GPHN: variants seen among roughly 807,000 people sequenced by gnomAD.
The protein encoded by GPHN is gephyrin.
A neutral mutation model predicts 95.5 loss-of-function variants in GPHN; 17 were observed. That is an observed-to-expected ratio of 0.18 (90% CI 0.12 to 0.27). GPHN has a LOEUF of 0.27. GPHN is among the 10% of genes least tolerant of loss of function. The probability of loss-of-function intolerance (pLI) is 1.00; values close to 1 mark genes in which losing one functional copy is unlikely to be tolerated. For missense variants in GPHN, 660 were observed against 978.1 expected (o/e 0.67, Z 4.34); for synonymous variants, 320 against 322.5 (o/e 0.99, Z 0.08).
the GPHN span, chr14:67,573,793 C>T: frequency 6.3e-7 from 1 of 1,599,252 alleles, no homozygotes; most frequent in East Asian, 2.2e-5. This position sits in a 1 kb window ranked among gnomAD's most constrained non-coding sequence, Gnocchi z 4.8. Context: ...CCAATACTTT[C>T]TTTACAGAGT....
At chr14:67,725,392 C>G in the GPHN span, 4 of 898,920 alleles carry the variant, frequency 4.4e-6, no homozygotes, top group Non-Finnish European at 7.2e-6. Context: ...ACCAGCAGGA[C>G]AGGGAATTGG....
chr14:67,483,898 G>T, the GPHN span, among the ~76,000 whole-genome samples: 7,197 of 152,300 alleles, frequency 0.047, 212 homozygotes, highest in East Asian at 0.097. Flanking sequence ...CAAGCAAACC[G>T]CAGCAGGAGG....
At chr14:67,630,887 T>C in the GPHN span, among the ~76,000 whole-genome samples, 3 of 152,298 alleles carry the variant, frequency 2.0e-5, no homozygotes, top group African/African-American at 7.2e-5. Flanking sequence ...CCCGCCCATG[T>C]AGCATGTAGA....
the GPHN span, chr14:67,600,213 A>C: frequency 6.4e-7 from 1 of 1,561,066 alleles, no homozygotes. Flanking sequence ...TGACGCCCCC[A>C]CTCGGCCGCC....
chr14:67,067,165 A>G (rs1311987587), intron 11 of GPHN, among the ~76,000 whole-genome samples: 2 of 152,060 alleles, frequency 1.3e-5, no homozygotes, highest in Admixed American at 6.6e-5. Context: ...TCTGTTTGTT[A>G]GTTTTCCTTC....
At chr14:67,632,350 T>C in the GPHN span, among the ~76,000 whole-genome samples, 2 of 152,234 alleles carry the variant, frequency 1.3e-5, no homozygotes, top group Non-Finnish European at 2.9e-5. Context: ...GCCAGCATCA[T>C]CACCAATACG....
intron 2 of GPHN, among the ~76,000 whole-genome samples, chr14:66,741,931 G>C (rs914017731): frequency 6.6e-6 from 1 of 152,108 alleles, no homozygotes; most frequent in African/African-American, 2.4e-5. Flanking sequence ...CCACCTTACT[G>C]TCCTTTCTCC....
At chr14:67,121,376 G>A (rs189120080) in intron 16 of GPHN, among the ~76,000 whole-genome samples, 57 of 152,122 alleles carry the variant, frequency 3.7e-4, no homozygotes, top group African/African-American at 4.6e-4. Flanking sequence ...ATCCTTTGAC[G>A]TCATATGTCA....
At chr14:67,710,779 C>T in the GPHN span, among the ~76,000 whole-genome samples, 1 of 151,468 alleles carries the variant, frequency 6.6e-6, no homozygotes, top group African/African-American at 2.4e-5. Context: ...TTAGAAAATA[C>T]CCAAATAATG....
the GPHN span, among the ~76,000 whole-genome samples, chr14:67,626,604 G>A: frequency 1.3e-5 from 2 of 152,044 alleles, no homozygotes; most frequent in Non-Finnish European, 2.9e-5. Context: ...CTGAGTACCT[G>A]GGACCACAGG....
chr14:67,572,383 C>T, the GPHN span: 1 of 495,772 alleles, frequency 2.0e-6, no homozygotes, highest in Non-Finnish European at 3.1e-6. Flanking sequence ...TGAGGGGTCC[C>T]TAGAGCTGGG....
the GPHN span, among the ~76,000 whole-genome samples, chr14:67,568,315 G>A: frequency 6.6e-6 from 1 of 151,992 alleles, no homozygotes; most frequent in South Asian, 2.1e-4. Flanking sequence ...GGAGCTGGAA[G>A]CCATTATCTT....
intron 15 of GPHN, 95 bp downstream of exon 15, chr14:67,112,014 C>A: frequency 1.1e-6 from 1 of 927,040 alleles, no homozygotes; most frequent in South Asian, 1.3e-5. Flanking sequence ...GCAGCCATGT[C>A]AGTTAGCCAT....
At chr14:67,562,589 A>T in the GPHN span, 1 of 1,612,474 alleles carries the variant, frequency 6.2e-7, no homozygotes, top group Non-Finnish European at 8.5e-7. Context: ...GGCTCCTGGC[A>T]CCCCGCGGGA....
the GPHN span, among the ~76,000 whole-genome samples, chr14:67,720,261 A>C: frequency 6.6e-6 from 1 of 152,032 alleles, no homozygotes; most frequent in Non-Finnish European, 1.5e-5. Context: ...GATTTGTAAG[A>C]GTTCTTTATC....
chr14:66,551,404 GT>G (rs1483885966), intron 1 of GPHN, among the ~76,000 whole-genome samples: 2 of 152,102 alleles, frequency 1.3e-5, no homozygotes, highest in African/African-American at 4.8e-5. Flanking sequence ...AAATATCTGT[GT>G]TTTTTGTAGT....
intron 2 of GPHN, among the ~76,000 whole-genome samples, chr14:66,686,380 A>G (rs531942217): frequency 2.2e-3 from 342 of 152,346 alleles, no homozygotes; most frequent in African/African-American, 7.7e-3. Context: ...ATCCATGAGC[A>G]TGGAATAAAT....
chr14:67,326,629 C>G, the GPHN span, among the ~76,000 whole-genome samples: 1 of 151,974 alleles, frequency 6.6e-6, no homozygotes, highest in African/African-American at 2.4e-5. Context: ...GAAGTTAATA[C>G]CCCTCCATTC....
the GPHN span, among the ~76,000 whole-genome samples, chr14:67,213,392 C>T: frequency 1.2e-4 from 17 of 138,038 alleles, no homozygotes; most frequent in African/African-American, 2.8e-4. Flanking sequence ...TCAATTCCCA[C>T]CTATGAGTGA....
Sources: gnomAD v4.1 joint callset for allele counts (sites outside exome capture counted in the v4.1 genomes callset) on GRCh38, gnomAD v4.1.1 for gene constraint, Gnocchi (gnomAD v3.1) non-coding constraint, MANE v1.5 for transcripts, NCBI Gene and HGNC (gene_info 2026-07-23, HGNC 2026-07-21) for gene names.